The following UBE2T variants were observed in gnomAD, a reference collection of about 807,000 sequenced individuals.
The protein encoded by UBE2T is ubiquitin conjugating enzyme E2 T.
UBE2T carries 15 observed loss-of-function variants against 23.3 expected under a neutral mutation model. The observed-to-expected ratio is 0.64, with a 90% CI of 0.43 to 0.99. UBE2T has a LOEUF of 0.99. Ranked by LOEUF, UBE2T falls within the 50% of genes least tolerant of loss-of-function variation. UBE2T has a pLI of 0.00. For synonymous variants in UBE2T, 67 were observed against 78.4 expected (o/e 0.85, Z 0.77); for missense variants, 197 against 234.9 (o/e 0.84, Z 1.05).
intron 3 of UBE2T, among the ~76,000 whole-genome samples, chr1:202,334,431 A>G (rs1215714119): frequency 1.3e-5 from 2 of 152,198 alleles, no homozygotes; most frequent in Non-Finnish European, 2.9e-5. Context: ...TACTAGGCTT[A>G]GTACCTGGGT....
At chr1:202,336,791 C>T (rs1654896278) in intron 1 of UBE2T, among the ~76,000 whole-genome samples, 1 of 152,174 alleles carries the variant, frequency 6.6e-6, no homozygotes. Context: ...TCCCAATCTT[C>T]AGGGATACCA....
At position 202,335,495 on chromosome 1, in the gene UBE2T, T is replaced by C. The variant is rs34701328; in HGVS notation, c.109+151A>G. On this transcript the variant is annotated intron_variant, in intron 2 of 6. Transcript: ENST00000646651. The surrounding 1 kb of genome is among the most constrained non-coding windows in gnomAD (Gnocchi z 4.0). ...AAGCAAGAAATGTCAAGCAAACCTT[T>C]TATAAATGTAAACAAATTTGGGTAG... The C allele has an allele frequency of 2.9e-3, 2,031 of 708,054 alleles. 8 individuals are homozygous for C. Among genetic ancestry groups the C allele is most frequent in the Non-Finnish European group, 3.8e-3 (1,625 of 432,774 alleles). The allele number at this position is 708,054 out of a possible 1,614,324, so 43.9% of individuals were successfully genotyped here. A position where few individuals can be genotyped will look rare whatever the true frequency, so the allele number is the denominator to read the frequency against.
chr1:202,333,634 A>ATT, intron 3 of UBE2T, 79 bp from the exon 4 acceptor site: 3 of 1,334,986 alleles, frequency 2.2e-6, no homozygotes, highest in Non-Finnish European at 3.1e-6. Context: ...TCTTGGTCAC[A>ATT]ATAATTTTGG....
At chr1:202,339,471 T>G (rs1264927400) in intron 1 of UBE2T, among the ~76,000 whole-genome samples, 1 of 151,916 alleles carries the variant, frequency 6.6e-6, no homozygotes, top group Non-Finnish European at 1.5e-5. Context: ...AATAAAAATT[T>G]ATGACAAAAA....
Position 202,335,179 on chromosome 1 carries a change from G to T in UBE2T, c.110-121C>A. The T allele has an allele frequency of 5.1e-6, 4 of 781,732 alleles. No individual in the cohort carries two copies. Among genetic ancestry groups the T allele is most frequent in the Middle Eastern group, 3.8e-4 (1 of 2,652 alleles). 48.4% of individuals were successfully genotyped at this position (781,732 alleles called of 1,614,324 possible). A position where few individuals can be genotyped will look rare whatever the true frequency, so the allele number is the denominator to read the frequency against. ...ACTAGGCCTAGGACAATAATTCTCT[G>T]CCAGGACTTTAACAAGTCCTCATGC... On this transcript the variant is annotated intron_variant, in intron 2 of 6. Transcript: ENST00000646651. This position sits in a 1 kb window ranked among gnomAD's most constrained non-coding sequence, Gnocchi z 4.0.
intron 1 of UBE2T, among the ~76,000 whole-genome samples, chr1:202,339,694 T>C (rs1571474741): frequency 1.3e-5 from 2 of 151,752 alleles, no homozygotes; most frequent in East Asian, 1.9e-4. Context: ...GTAACAACAA[T>C]TTACTTAGCA....
chr1:202,334,650 G>C (rs1308381318), intron 3 of UBE2T, among the ~76,000 whole-genome samples: 3 of 152,206 alleles, frequency 2.0e-5, no homozygotes, highest in Non-Finnish European at 1.5e-5. Context: ...TTCAGTGTAG[G>C]AGGATGAAAA....
At chr1:202,341,813 G>A (rs1655013924) in intron 1 of UBE2T, 82 bp downstream of exon 1, 1 of 152,226 alleles carries the variant, frequency 6.6e-6, no homozygotes, top group Non-Finnish European at 1.5e-5. Flanking sequence ...GGCGGAAACA[G>A]GACTCCTTCC....
intron 1 of UBE2T, among the ~76,000 whole-genome samples, chr1:202,339,928 G>A (rs950638661): frequency 2.0e-5 from 3 of 152,122 alleles, no homozygotes; most frequent in African/African-American, 7.2e-5. Flanking sequence ...CAGCTTGTGA[G>A]GCCTGGCACA....
chr1:202,341,098 C>T (rs933094614), intron 1 of UBE2T, among the ~76,000 whole-genome samples: 5 of 152,178 alleles, frequency 3.3e-5, no homozygotes, highest in African/African-American at 1.2e-4. Flanking sequence ...CCCCACCACT[C>T]ACACCTTTCC....
chr1:202,338,975 G>A (rs980681972), intron 1 of UBE2T, among the ~76,000 whole-genome samples: 1 of 151,476 alleles, frequency 6.6e-6, no homozygotes, highest in African/African-American at 2.4e-5. Context: ...TTAACACTAT[G>A]CTAATCAGTA....
rs1330218977 is a variant in UBE2T at position 202,335,639 on chromosome 1, T to A, written c.109+7A>T. ...GACTTTCATCATATACATGATTTGA[T>A]ACCTACGAGCTCGCAGGTCATCCAT... On this transcript the variant is annotated splice_region_variant and intron_variant, in intron 2 of 6. Coordinates refer to ENST00000646651, the MANE Select transcript of UBE2T (RefSeq NM_014176.4). This position sits in a 1 kb window ranked among gnomAD's most constrained non-coding sequence, Gnocchi z 4.0. The A allele has an allele frequency of 6.2e-7, 1 of 1,610,954 alleles. No homozygotes were observed. The highest frequency in any genetic ancestry group is 1.1e-5 in the South Asian group (1 of 91,012).
At chr1:202,340,397 C>A (rs1654974944) in intron 1 of UBE2T, among the ~76,000 whole-genome samples, 1 of 151,470 alleles carries the variant, frequency 6.6e-6, no homozygotes, top group South Asian at 2.1e-4. Context: ...GCCTGTAATC[C>A]CAGCTACTTG....
chr1:202,337,699 A>G (rs1376349022), intron 1 of UBE2T, among the ~76,000 whole-genome samples: 1 of 152,172 alleles, frequency 6.6e-6, no homozygotes, highest in Non-Finnish European at 1.5e-5. Context: ...CACTGTTTGA[A>G]TTACTATAGC....
At position 202,332,991 on chromosome 1, in the gene UBE2T, A is replaced by G. The variant is rs1179318787; in HGVS notation, c.468+19T>C. On this transcript the variant is annotated intron_variant, in intron 6 of 6. Coordinates refer to ENST00000646651, the MANE Select transcript of UBE2T (RefSeq NM_014176.4). ...ACTATATATACTTAATTAACTGACAATAGTAGCAAACATTATACCTTTTGT... is the reference window on the plus strand; with the variant it reads ...ACTATATATACTTAATTAACTGACAGTAGTAGCAAACATTATACCTTTTGT... 6.4e-7 allele frequency: 1 copy of G among 1,571,752 alleles called. No homozygotes were observed. The highest frequency in any genetic ancestry group is 8.7e-7 in the Non-Finnish European group (1 of 1,145,372).
intron 1 of UBE2T, among the ~76,000 whole-genome samples, chr1:202,336,507 AG>A (rs1396963154): frequency 1.3e-5 from 2 of 152,178 alleles, no homozygotes; most frequent in African/African-American, 4.8e-5. Context: ...AAATGCAAAA[AG>A]TTCTACAAAA....
At chr1:202,331,996 A>G in intron 6 of UBE2T, 36 bp from the exon 7 acceptor site, 2 of 1,606,646 alleles carry the variant, frequency 1.2e-6, no homozygotes, top group Non-Finnish European at 1.7e-6. Context: ...AGTAAGGTTC[A>G]CACAAATGCC....
At position 202,331,729 on chromosome 1, in the gene UBE2T, A is replaced by C; in HGVS notation, c.*106T>G. The C allele has an allele frequency of 7.3e-7, 1 of 1,375,106 alleles. No individual in the cohort carries two copies. 85.2% of individuals were successfully genotyped at this position (1,375,106 alleles called of 1,614,324 possible). On this transcript the variant is annotated 3_prime_UTR_variant, in exon 7 of 7. Coordinates refer to ENST00000646651, the MANE Select transcript of UBE2T (RefSeq NM_014176.4). ...TACATATGTACAAGATAAATAAACT[A>C]CACAAAAATTATGTCATCAAATATA...
Position 202,335,545 on chromosome 1 carries a change from T to C in UBE2T, c.109+101A>G. The C allele has an allele frequency of 8.3e-7, 1 of 1,206,346 alleles. No individual in the cohort carries two copies. Among genetic ancestry groups the C allele is most frequent in the South Asian group, 1.4e-5 (1 of 73,984 alleles). The allele number at this position is 1,206,346 out of a possible 1,614,324, so 74.7% of individuals were successfully genotyped here. ...GAAAGATGGTAGGGCACTCTGACCTTATAACTGCTCCTTACTTTAGAAGAA... is the reference window on the plus strand; with the variant it reads ...GAAAGATGGTAGGGCACTCTGACCTCATAACTGCTCCTTACTTTAGAAGAA... On this transcript the variant is annotated intron_variant, in intron 2 of 6. Coordinates refer to ENST00000646651, the MANE Select transcript of UBE2T (RefSeq NM_014176.4). The surrounding 1 kb of genome is among the most constrained non-coding windows in gnomAD (Gnocchi z 4.0).
Sources: gnomAD v4.1 joint callset for allele counts (sites outside exome capture counted in the v4.1 genomes callset) on GRCh38, gnomAD v4.1.1 for gene constraint, Gnocchi (gnomAD v3.1) non-coding constraint, MANE v1.5 for transcripts, NCBI Gene and HGNC (gene_info 2026-07-23, HGNC 2026-07-21) for gene names.